PRR15L: variants seen among roughly 807,000 people sequenced by gnomAD.
PRR15L encodes proline-rich protein 15-like protein.
PRR15L carries 1 observed loss-of-function variant against 3.7 expected under a neutral mutation model. That is an observed-to-expected ratio of 0.27 (90% CI 0.09 to 1.27). PRR15L has a LOEUF of 1.27. Ranked by LOEUF, PRR15L falls within the 50% of genes most tolerant of loss-of-function variation. The pLI is 0.47. For missense variants in PRR15L, 127 were observed against 128.7 expected (o/e 0.99, Z 0.06); for synonymous variants, 57 against 51.9 (o/e 1.10, Z -0.42).
rs2036081655 is a variant in PRR15L, at chr17:47,952,781, TA to T, written c.*141del. 2 of 848,128 alleles carry T rather than the reference TA, an allele frequency of 2.4e-6. No homozygotes were observed. The highest frequency in any genetic ancestry group is 3.5e-6 in the Non-Finnish European group (2 of 565,730). The allele number at this position is 848,128 out of a possible 1,614,324, so 52.5% of individuals were successfully genotyped here. On this transcript the variant is annotated 3_prime_UTR_variant, in exon 2 of 2. Coordinates refer to ENST00000300557, the MANE Select transcript of PRR15L (RefSeq NM_024320.4). ...AAGTGGCGGCACATAAATACAAACCTAAAAAACAGCCATTTCCTGCCAGCAG... is the reference window on the plus strand; with the variant it reads ...AAGTGGCGGCACATAAATACAAACCTAAAAACAGCCATTTCCTGCCAGCAG...
Position 47,953,277 on chromosome 17 carries a change from G to GA in PRR15L, c.-29-15_-29-14insT. 1 of 1,475,666 alleles carries GA rather than the reference G, an allele frequency of 6.8e-7. No homozygotes were observed. The highest frequency in any genetic ancestry group is 9.1e-7 in the Non-Finnish European group (1 of 1,103,522). The allele number at this position is 1,475,666 out of a possible 1,614,324, so 91.4% of individuals were successfully genotyped here. On this transcript the variant is annotated splice_polypyrimidine_tract_variant and intron_variant, in intron 1 of 1. Coordinates refer to ENST00000300557, the MANE Select transcript of PRR15L (RefSeq NM_024320.4). Reference sequence around the variant, plus strand: ...GGATGGGGCTTTCTGCTGGAGCAGGGTGGGGGAGACAAAGGGGTCAGTGGG... The same window carrying GA: ...GGATGGGGCTTTCTGCTGGAGCAGGGATGGGGGAGACAAAGGGGTCAGTGGG...
Position 47,952,112 on chromosome 17 carries a change from G to A in PRR15L, c.*811C>T, listed in dbSNP as rs1474838959. 2 of 152,120 alleles carry A rather than the reference G, an allele frequency of 1.3e-5. No homozygotes were observed. The highest frequency in any genetic ancestry group is 2.9e-5 in the Non-Finnish European group (2 of 68,024). 9.4% of individuals were successfully genotyped at this position (152,120 alleles called of 1,614,324 possible). On this transcript the variant is annotated 3_prime_UTR_variant, in exon 2 of 2. Coordinates refer to ENST00000300557, the MANE Select transcript of PRR15L (RefSeq NM_024320.4). ...ACAGAGAGAAACCTACAATTATTTT[G>A]TTAAACAAAATTCAAGGCTCCAGGA...
intron 1 of PRR15L, among the ~76,000 whole-genome samples, chr17:47,955,043 C>T (rs2036113162): frequency 6.6e-6 from 1 of 151,688 alleles, no homozygotes; most frequent in Non-Finnish European, 1.5e-5. Flanking sequence ...GATTCTCCTG[C>T]TTCAGCCTCC....
intron 1 of PRR15L, among the ~76,000 whole-genome samples, chr17:47,956,195 G>A (rs2036127186): frequency 6.6e-6 from 1 of 152,256 alleles, no homozygotes; most frequent in Non-Finnish European, 1.5e-5. Flanking sequence ...CAGGTGCAGT[G>A]GCTCAAACTA....
chr17:47,953,271 A>G lies in PRR15L; in HGVS notation c.-29-8T>C. 5.5e-6 allele frequency: 8 copies of G among 1,458,444 alleles called. No individual in the cohort carries two copies. The highest frequency in any genetic ancestry group is 5.5e-6 in the Non-Finnish European group (6 of 1,089,962). The allele number at this position is 1,458,444 out of a possible 1,614,324, so 90.3% of individuals were successfully genotyped here. On this transcript the variant is annotated splice_polypyrimidine_tract_variant and splice_region_variant and intron_variant, in intron 1 of 1. Coordinates refer to ENST00000300557, the MANE Select transcript of PRR15L (RefSeq NM_024320.4). Reference sequence around the variant, plus strand: ...AGCCAAGGATGGGGCTTTCTGCTGGAGCAGGGTGGGGGAGACAAAGGGGTC... The same window carrying G: ...AGCCAAGGATGGGGCTTTCTGCTGGGGCAGGGTGGGGGAGACAAAGGGGTC...
chr17:47,953,469 G>A (rs1598206265), intron 1 of PRR15L, among the ~76,000 whole-genome samples: 1 of 152,180 alleles, frequency 6.6e-6, no homozygotes, highest in Middle Eastern at 3.4e-3. Context: ...GACAGGCCTG[G>A]CCAACATGGT....
chr17:47,956,590 C>T (rs1475906905), intron 1 of PRR15L, among the ~76,000 whole-genome samples: 1 of 152,176 alleles, frequency 6.6e-6, no homozygotes, highest in Non-Finnish European at 1.5e-5. Flanking sequence ...GCAAGCCTGA[C>T]TTATGGAAAT....
chr17:47,957,337 G>A (rs1483057950), intron 1 of PRR15L, among the ~76,000 whole-genome samples: 2 of 152,268 alleles, frequency 1.3e-5, no homozygotes, highest in Admixed American at 6.5e-5. Flanking sequence ...GGCACTTAGG[G>A]GGCCTGCAGG....
Position 47,953,003 on chromosome 17 carries a change from C to T in PRR15L, c.232G>A (p.Glu78Lys). The T allele has an allele frequency of 6.2e-7, 1 of 1,614,144 alleles. No individual in the cohort carries two copies. Among genetic ancestry groups the T allele is most frequent in the Non-Finnish European group, 8.5e-7 (1 of 1,180,030 alleles). ...AGCGTGGCTCTCACTTTCTTCTTCT[C>T]CTTGAAGCGTCCTGAGTTGGAGACC... is the stretch of plus-strand genomic sequence containing the variant. ...VKVSNSGRFK[E>K]KKKVRATLAE... The change falls in exon 2 of 2, where the codon GAG becomes AAG. Residue 78 changes from glutamate (E) to lysine (K), a missense_variant. Coordinates refer to ENST00000300557, the MANE Select transcript of PRR15L (RefSeq NM_024320.4).
In PRR15L at chr17:47,953,276, G is replaced by T. The variant is rs1323080361; in HGVS notation, c.-29-13C>A. On this transcript the variant is annotated splice_polypyrimidine_tract_variant and intron_variant, in intron 1 of 1. Coordinates refer to ENST00000300557, the MANE Select transcript of PRR15L (RefSeq NM_024320.4). ...AGGATGGGGCTTTCTGCTGGAGCAG[G>T]GTGGGGGAGACAAAGGGGTCAGTGG... 1 of 1,498,328 alleles carries T rather than the reference G, an allele frequency of 6.7e-7. No homozygotes were observed. Among genetic ancestry groups the T allele is most frequent in the South Asian group, 1.3e-5 (1 of 75,658 alleles). 92.8% of individuals were successfully genotyped at this position (1,498,328 alleles called of 1,614,324 possible). A position where few individuals can be genotyped will look rare whatever the true frequency, so the allele number is the denominator to read the frequency against.
Position 47,953,038 on chromosome 17 carries a change from T to C in PRR15L, c.197A>G (p.Lys66Arg), listed in dbSNP as rs1281645513. The C allele has an allele frequency of 5.0e-6, 8 of 1,614,202 alleles. No individual in the cohort carries two copies. Among genetic ancestry groups the C allele is most frequent in the African/African-American group, 1.3e-5 (1 of 75,044 alleles). Residue 66 changes from lysine to arginine, a missense_variant, in exon 2 of 2, where the codon AAG becomes AGG. Physicochemically the swap from Lys to Arg is conservative, Grantham distance 26. Transcript: ENST00000300557. ...TCCTGAGTTGGAGACCTTGACGTGC[T>C]TGCCCTTTGTGCTCTTGTCCACAAT... The part of the protein sequence containing the change: ...EKIVDKSTKG[K>R]HVKVSNSGRF...
At position 47,953,073 on chromosome 17, in the gene PRR15L, G is replaced by A; in HGVS notation, c.162C>T (p.Arg54=). 1 of 1,614,158 alleles carries A rather than the reference G, an allele frequency of 6.2e-7. No homozygotes were observed. The highest frequency in any genetic ancestry group is 8.5e-7 in the Non-Finnish European group (1 of 1,180,028). ...TGCTCTTGTCCACAATCTTCTCCAG[G>A]CGGGTGTTAAAGTCGCTGTTGGGGC... is the stretch of plus-strand genomic sequence containing the variant. ...AGGPNSDFNT[R]LEKIVDKSTK... is the part of the protein sequence containing the mutation. The change falls in exon 2 of 2, where the codon CGC becomes CGT. Residue 54 remains arginine, a synonymous_variant. Coordinates refer to ENST00000300557, the MANE Select transcript of PRR15L (RefSeq NM_024320.4).
At chr17:47,954,929 T>C (rs1351271621) in intron 1 of PRR15L, among the ~76,000 whole-genome samples, 2 of 144,564 alleles carry the variant, frequency 1.4e-5, no homozygotes, top group Non-Finnish European at 3.0e-5. Context: ...GTGCCTTTTT[T>C]TTTTCTTTTT....
chr17:47,953,033 C>A lies in PRR15L; in HGVS notation c.202G>T (p.Val68Phe). 1 of 1,614,152 alleles carries A rather than the reference C, an allele frequency of 6.2e-7. No individual in the cohort carries two copies. ...AAGCGTCCTGAGTTGGAGACCTTGA[C>A]GTGCTTGCCCTTTGTGCTCTTGTCC... The part of the protein sequence containing the change: ...IVDKSTKGKH[V>F]KVSNSGRFKE... Residue 68 changes from valine to phenylalanine, a missense_variant, in exon 2 of 2, where the codon GTC becomes TTC. Transcript: ENST00000300557.
At chr17:47,954,869 G>A (rs932885430) in intron 1 of PRR15L, among the ~76,000 whole-genome samples, 1 of 151,988 alleles carries the variant, frequency 6.6e-6, no homozygotes, top group Non-Finnish European at 1.5e-5. Context: ...TTAAAAACTG[G>A]AAGTGTTCAC....
chr17:47,954,125 G>C (rs939890013), intron 1 of PRR15L, among the ~76,000 whole-genome samples: 1 of 152,184 alleles, frequency 6.6e-6, no homozygotes, highest in African/African-American at 2.4e-5. Flanking sequence ...CTTCCCAGTG[G>C]TGACCAGCAG....
chr17:47,954,051 G>C (rs1376159729), intron 1 of PRR15L, among the ~76,000 whole-genome samples: 1 of 152,250 alleles, frequency 6.6e-6, no homozygotes, highest in African/African-American at 2.4e-5. Flanking sequence ...GAAACACCCT[G>C]TGCATTTTGC....
intron 1 of PRR15L, among the ~76,000 whole-genome samples, chr17:47,956,575 C>T (rs534194873): frequency 6.6e-6 from 1 of 152,294 alleles, no homozygotes; most frequent in African/African-American, 2.4e-5. Flanking sequence ...GTGTTTGCCC[C>T]ATTAGCAAGC....
At position 47,952,187 on chromosome 17, in the gene PRR15L, A is replaced by C. The variant is rs2144174544; in HGVS notation, c.*736T>G. The C allele has an allele frequency of 6.6e-6, 1 of 152,242 alleles. No homozygotes were observed. Among genetic ancestry groups the C allele is most frequent in the East Asian group, 1.9e-4 (1 of 5,184 alleles). The allele number at this position is 152,242 out of a possible 1,614,324, so 9.4% of individuals were successfully genotyped here. A position where few individuals can be genotyped will look rare whatever the true frequency, so the allele number is the denominator to read the frequency against. On this transcript the variant is annotated 3_prime_UTR_variant, in exon 2 of 2. Coordinates refer to ENST00000300557, the MANE Select transcript of PRR15L (RefSeq NM_024320.4). ...TAAATACTATTATAGTAGGAAAGGG[A>C]GAGGAGAAAATTCCCCACCCACTCC...
Sources: gnomAD v4.1 joint callset for allele counts (sites outside exome capture counted in the v4.1 genomes callset) on GRCh38, gnomAD v4.1.1 for gene constraint, MANE v1.5 for transcripts, NCBI Gene and HGNC (gene_info 2026-07-23, HGNC 2026-07-21) for gene names.